INTS8: variants seen among roughly 807,000 people sequenced by gnomAD.
INTS8 encodes integrator complex subunit 8.
Under a neutral mutation model 138.9 loss-of-function variants are expected in INTS8, and 47 were observed. The ratio of observed to expected loss-of-function variants is 0.34; its 90% CI spans 0.27 to 0.43. The LOEUF is 0.43. Ranked by LOEUF, INTS8 falls within the 20% of genes least tolerant of loss-of-function variation. The pLI is 1.00. For synonymous variants in INTS8, 392 were observed against 400.9 expected (o/e 0.98, Z 0.27); for missense variants, 996 against 1,173.0 (o/e 0.85, Z 2.20).
chr8:94,838,188 AC>A (rs2131009504), intron 7 of INTS8, among the ~76,000 whole-genome samples: 1 of 151,780 alleles, frequency 6.6e-6, no homozygotes, highest in Admixed American at 6.6e-5. Context: ...AGTAGCTGGG[AC>A]TACAGGTGCC....
At chr8:94,860,890 C>A (rs1815937102) in intron 16 of INTS8, among the ~76,000 whole-genome samples, 1 of 151,572 alleles carries the variant, frequency 6.6e-6, no homozygotes, top group Admixed American at 6.6e-5. Context: ...CCCGTCCTTA[C>A]TAAAAATACA....
At chr8:94,861,160 C>CACGT (rs1815956413) in intron 16 of INTS8, among the ~76,000 whole-genome samples, 1 of 150,970 alleles carries the variant, frequency 6.6e-6, no homozygotes, top group South Asian at 2.1e-4. Context: ...TTTCTTCCTT[C>CACGT]ACGTATGTCC....
chr8:94,838,367 T>C (rs1586479439), intron 7 of INTS8, 96 bp from the exon 8 acceptor site: 2 of 1,065,904 alleles, frequency 1.9e-6, no homozygotes, highest in African/African-American at 1.6e-5. Context: ...AATTTTTCGT[T>C]AGCATTTCCT....
chr8:94,842,285 TA>T, intron 9 of INTS8, 61 bp from the exon 10 acceptor site: 1 of 1,138,574 alleles, frequency 8.8e-7, no homozygotes, highest in Non-Finnish European at 1.2e-6. Flanking sequence ...TATAGTTGTA[TA>T]ATATACACCT....
At chr8:94,842,637 C>T (rs1234989535) in intron 10 of INTS8, 149 bp downstream of exon 10, 9 of 576,408 alleles carry the variant, frequency 1.6e-5, no homozygotes, top group East Asian at 2.9e-5. Context: ...TATGCCCTTC[C>T]GCCTGGTCTT....
At chr8:94,841,465 G>T in intron 8 of INTS8, 26 bp from the exon 9 acceptor site, 2 of 1,143,846 alleles carry the variant, frequency 1.7e-6, no homozygotes, top group Admixed American at 2.3e-5. Context: ...TTTTGAAATG[G>T]GTGCAACTTT....
chr8:94,837,866 AC>A (rs1814987025), intron 7 of INTS8, among the ~76,000 whole-genome samples: 1 of 151,972 alleles, frequency 6.6e-6, no homozygotes, highest in Admixed American at 6.6e-5. Flanking sequence ...GCATATTCTT[AC>A]CATTTTTTTG....
At chr8:94,880,064 A>G (rs1426652623) in intron 26 of INTS8, 54 bp from the exon 27 acceptor site, 1 of 1,279,382 alleles carries the variant, frequency 7.8e-7, no homozygotes, top group African/African-American at 1.5e-5. Context: ...ACTTGTACCA[A>G]CAAAACTTAA....
At chr8:94,828,951 TG>T (rs1554604558) in intron 4 of INTS8, 23 bp from the exon 5 acceptor site, 2 of 1,523,878 alleles carry the variant, frequency 1.3e-6, no homozygotes, top group Non-Finnish European at 1.8e-6. Context: ...TTGATACTTT[TG>T]TTTTCAATTG....
At position 94,862,615 on chromosome 8, in the gene INTS8, C is replaced by G. The variant is rs1033573103; in HGVS notation, c.2077-2891C>G. On this transcript the variant is annotated intron_variant, in intron 16 of 26. Coordinates refer to ENST00000523731, the MANE Select transcript of INTS8 (RefSeq NM_017864.4). ...CTTCCTGCAGTTCCCCTGATCTGGT[C>G]CAAAAGGAGGAAGGATGTGTGGTGA... is the stretch of plus-strand genomic sequence containing the variant. 3.3e-5 allele frequency among the ~76,000 whole-genome samples: 5 copies of G among 152,040 alleles called. No homozygotes were observed. The East Asian group carries it at 7.7e-4, about 23-fold the overall frequency.
intron 16 of INTS8, among the ~76,000 whole-genome samples, chr8:94,864,929 A>G (rs1225727435): frequency 6.6e-6 from 1 of 152,192 alleles, no homozygotes; most frequent in Admixed American, 6.5e-5. Flanking sequence ...CAATTTTCTT[A>G]GAGAAAAATT....
At chr8:94,854,091 C>T (rs951017226) in intron 14 of INTS8, among the ~76,000 whole-genome samples, 176 bp downstream of exon 14, 5 of 151,336 alleles carry the variant, frequency 3.3e-5, no homozygotes, top group Non-Finnish European at 4.4e-5. Flanking sequence ...AAAAATTAGC[C>T]GGGTGACTAT....
chr8:94,867,574 A>G (rs1415138655), intron 20 of INTS8: 3 of 387,516 alleles, frequency 7.7e-6, no homozygotes, highest in Admixed American at 4.6e-5. Flanking sequence ...CCCAGGCTGG[A>G]ATGCAGTGGT....
At chr8:94,846,191 ATT>A (rs890125316) in intron 10 of INTS8, among the ~76,000 whole-genome samples, 1 of 151,978 alleles carries the variant, frequency 6.6e-6, no homozygotes, top group South Asian at 2.1e-4. Flanking sequence ...TTCTATTCAT[ATT>A]TTTTTCCATT....
intron 6 of INTS8, among the ~76,000 whole-genome samples, chr8:94,833,477 C>T (rs1814804788): frequency 6.6e-6 from 1 of 152,044 alleles, no homozygotes; most frequent in Non-Finnish European, 1.5e-5. Flanking sequence ...CCTTGGCCTC[C>T]CAAAGTGCTG....
intron 8 of INTS8, among the ~76,000 whole-genome samples, chr8:94,839,901 CAAAA>C (rs954457471): frequency 5.9e-5 from 9 of 151,680 alleles, no homozygotes; most frequent in African/African-American, 1.7e-4. Flanking sequence ...GCCTCAAAAA[CAAAA>C]AAACCCAAAA....
intron 10 of INTS8, among the ~76,000 whole-genome samples, chr8:94,844,691 T>A (rs892903398): frequency 4.6e-5 from 7 of 152,094 alleles, no homozygotes; most frequent in African/African-American, 7.2e-5. Flanking sequence ...CTATATATAT[T>A]CTCTTTTTTA....
In INTS8 at chr8:94,838,593, T is replaced by C. The variant is rs1427487499; in HGVS notation, c.992T>C (p.Ile331Thr). The C allele has an allele frequency of 1.9e-6, 3 of 1,613,302 alleles. No individual in the cohort carries two copies. The Admixed American group carries it at 5.0e-5, about 27-fold the overall frequency. Reference protein sequence around the residue: ...QQLTPYSQVHICLRSGNYQEV... With the variant: ...QQLTPYSQVHTCLRSGNYQEV... The stretch of plus-strand genomic sequence containing the variant: ...TTGACTCCATATAGTCAAGTCCATA[T>C]TTGTTTGAGATCTGGCAACTATCAG... The change falls in exon 8 of 27, where the codon ATT (isoleucine) becomes ACT (threonine). Residue 331 changes from isoleucine (I) to threonine (T), a missense_variant. Transcript: ENST00000523731.
intron 10 of INTS8, among the ~76,000 whole-genome samples, chr8:94,843,049 C>T (rs1000256977): frequency 3.9e-5 from 6 of 152,210 alleles, no homozygotes; most frequent in Admixed American, 6.5e-5. Flanking sequence ...TCTACCTTCC[C>T]TTGAGGTAGC....
Sources: gnomAD v4.1 joint callset for allele counts (sites outside exome capture counted in the v4.1 genomes callset) on GRCh38, gnomAD v4.1.1 for gene constraint, MANE v1.5 for transcripts, NCBI Gene and HGNC (gene_info 2026-07-23, HGNC 2026-07-21) for gene names.